RNF122: variants seen among roughly 807,000 people sequenced by gnomAD.
RNF122 encodes ring finger protein 122.
RNF122 carries 17 observed loss-of-function variants against 24.2 expected under a neutral mutation model. That is an observed-to-expected ratio of 0.70 (90% CI 0.48 to 1.06). RNF122 has a LOEUF of 1.06. RNF122 is among the 50% of genes least tolerant of loss of function. RNF122 has a pLI of 0.00. For missense variants in RNF122, 168 were observed against 198.1 expected (o/e 0.85, Z 0.91); for synonymous variants, 65 against 71.8 (o/e 0.91, Z 0.48).
Position 33,566,940 on chromosome 8 carries a change from T to G in RNF122, c.-217A>C. On this transcript the variant is annotated 5_prime_UTR_variant, in exon 1 of 6. Transcript: ENST00000256257. Reference sequence around the variant, plus strand: ...AGGGACGAGGAGGAAACAAACAAAGTCCCGCGGAGCACAGCCGCACGGAGC... The same window carrying G: ...AGGGACGAGGAGGAAACAAACAAAGGCCCGCGGAGCACAGCCGCACGGAGC... 1 of 583,016 alleles carries G rather than the reference T, an allele frequency of 1.7e-6. No individual in the cohort carries two copies. 36.1% of individuals were successfully genotyped at this position (583,016 alleles called of 1,614,324 possible). A position where few individuals can be genotyped will look rare whatever the true frequency, so the allele number is the denominator to read the frequency against.
intron 4 of RNF122, 145 bp from the exon 5 acceptor site, chr8:33,549,637 G>A: frequency 1.6e-6 from 1 of 617,224 alleles, no homozygotes. Context: ...TATATTGATG[G>A]CATGGTAGTC....
rs1333682953 is a variant in RNF122, at chr8:33,547,949, T to A, written c.*804A>T. 3 of 116,636 alleles carry A rather than the reference T, an allele frequency of 2.6e-5. No individual in the cohort carries two copies. The highest frequency in any genetic ancestry group is 1.0e-4 in the African/African-American group (3 of 28,914). The allele number at this position is 116,636 out of a possible 1,614,324, so 7.2% of individuals were successfully genotyped here. On this transcript the variant is annotated 3_prime_UTR_variant, in exon 6 of 6. Transcript: ENST00000256257. ...GAAGGAGGTATCTGTTGCTTAACCG[T>A]AGACACCCCCATCCCCACACCCCTT...
Position 33,549,475 on chromosome 8 carries a change from A to G in RNF122, c.288T>C (p.Cys96=), listed in dbSNP as rs777132335. ...LQLYGQTCAV[C]LEDFKGKDEL... is the part of the protein sequence containing the mutation. Reference sequence around the variant, plus strand: ...CATCCTTCCCCTTGAAGTCTTCCAGACAGACTGCGCAGGTCTGCTGCAGAG... The same window carrying G: ...CATCCTTCCCCTTGAAGTCTTCCAGGCAGACTGCGCAGGTCTGCTGCAGAG... The change falls in exon 5 of 6, where the codon TGT becomes TGC. Residue 96 remains cysteine, a synonymous_variant. Transcript: ENST00000256257. The G allele has an allele frequency of 1.2e-6, 2 of 1,613,966 alleles. No individual in the cohort carries two copies. Among genetic ancestry groups the G allele is most frequent in the African/African-American group, 2.7e-5 (2 of 74,930 alleles).
intron 2 of RNF122, among the ~76,000 whole-genome samples, chr8:33,555,733 C>T (rs1019271026): frequency 6.6e-6 from 1 of 152,200 alleles, no homozygotes; most frequent in African/African-American, 2.4e-5. Flanking sequence ...CTCTATGTAT[C>T]ACCTTGGGCA....
intron 2 of RNF122, among the ~76,000 whole-genome samples, chr8:33,553,045 T>G (rs1387883182): frequency 7.7e-6 from 1 of 130,338 alleles, no homozygotes; most frequent in South Asian, 2.4e-4. Context: ...CACTCCAGCC[T>G]GGGTGACAGA....
intron 1 of RNF122, among the ~76,000 whole-genome samples, chr8:33,562,141 C>T (rs928473032): frequency 2.0e-5 from 3 of 152,126 alleles, no homozygotes; most frequent in East Asian, 3.9e-4. Context: ...ATCATTTGTT[C>T]GGCCCCTACT....
chr8:33,554,514 C>T (rs575754749), intron 2 of RNF122, among the ~76,000 whole-genome samples: 71 of 152,248 alleles, frequency 4.7e-4, no homozygotes, highest in African/African-American at 1.7e-3. Context: ...CCTCATCCTG[C>T]ATACAGATTT....
chr8:33,554,894 G>A (rs1275383665), intron 2 of RNF122, among the ~76,000 whole-genome samples: 2 of 152,210 alleles, frequency 1.3e-5, no homozygotes, highest in Non-Finnish European at 2.9e-5. Flanking sequence ...GGCCTTGGCC[G>A]CTGAGCTCAC....
rs923622320 is a variant in RNF122 at position 33,563,040 on chromosome 8, G to A, written c.25+3659C>T. ...CGGGAGGCAGAGGCTGCAGTGAGCT[G>A]AGGCAGAGGCTGCAGTGAGCTGAGA... On this transcript the variant is annotated intron_variant, in intron 1 of 5. Transcript: ENST00000256257. Among the ~76,000 whole-genome samples the A allele has an allele frequency of 4.6e-5, 7 of 151,314 alleles. No individual in the cohort carries two copies. The South Asian group carries it at 8.3e-4, about 18-fold the overall frequency.
chr8:33,551,654 C>G (rs1358202625), intron 2 of RNF122, among the ~76,000 whole-genome samples: 1 of 152,212 alleles, frequency 6.6e-6, no homozygotes, highest in Non-Finnish European at 1.5e-5. Context: ...CCCCAAATAG[C>G]TCATTCACTC....
intron 1 of RNF122, among the ~76,000 whole-genome samples, chr8:33,565,370 T>C (rs1810606504): frequency 8.2e-6 from 1 of 121,956 alleles, no homozygotes; most frequent in South Asian, 2.4e-4. Flanking sequence ...AGGAGTCTAC[T>C]CTAAAGAATG....
At position 33,551,349 on chromosome 8, in the gene RNF122, T is replaced by C. The variant is rs946228557; in HGVS notation, c.223A>G (p.Lys75Glu). 1 of 1,614,162 alleles carries C rather than the reference T, an allele frequency of 6.2e-7. No individual in the cohort carries two copies. The highest frequency in any genetic ancestry group is 8.5e-7 in the Non-Finnish European group (1 of 1,180,018). ...NQAQSERYGY[K>E]EVVLKGDAKK... ...GGAAACACGCAGCACTTTACCTCCT[T>C]ATATCCGTATCGCTCACTCTGTGCC... is the stretch of plus-strand genomic sequence containing the variant. The change falls in exon 3 of 6, where the codon AAG becomes GAG. Residue 75 changes from lysine (K) to glutamate (E), a missense_variant. By Grantham distance (56) the Lys-to-Glu change is moderately conservative. Coordinates refer to ENST00000256257, the MANE Select transcript of RNF122 (RefSeq NM_024787.3).
intron 2 of RNF122, among the ~76,000 whole-genome samples, chr8:33,552,618 C>T (rs908830985): frequency 7.2e-5 from 11 of 152,026 alleles, no homozygotes; most frequent in Admixed American, 6.6e-4. Context: ...TGGGACACAC[C>T]CTACCTTTTA....
intron 5 of RNF122, 140 bp downstream of exon 5, chr8:33,549,269 TG>T: frequency 2.8e-6 from 2 of 716,128 alleles, no homozygotes; most frequent in Non-Finnish European, 2.5e-6. Flanking sequence ...CTAATCCCTC[TG>T]GGCTTTGCTC....
At chr8:33,560,674 C>T (rs999998605) in intron 1 of RNF122, among the ~76,000 whole-genome samples, 2 of 152,064 alleles carry the variant, frequency 1.3e-5, no homozygotes, top group East Asian at 1.9e-4. Flanking sequence ...TGGTGTCTCA[C>T]GCCTGTAATC....
chr8:33,551,183 G>C, intron 3 of RNF122, 98 bp from the exon 4 acceptor site: 2 of 1,494,240 alleles, frequency 1.3e-6, no homozygotes, highest in South Asian at 1.1e-5. Flanking sequence ...GGACTGCCTG[G>C]GGCAAGCCGG....
chr8:33,564,897 A>G (rs372458031), intron 1 of RNF122, among the ~76,000 whole-genome samples: 10 of 152,172 alleles, frequency 6.6e-5, no homozygotes, highest in African/African-American at 2.2e-4. Flanking sequence ...TAAAAAATAA[A>G]AAAAATAAAG....
intron 1 of RNF122, among the ~76,000 whole-genome samples, chr8:33,565,269 G>A (rs1810605002): frequency 6.6e-6 from 1 of 152,178 alleles, no homozygotes; most frequent in Non-Finnish European, 1.5e-5. Flanking sequence ...AGCAAAAGGA[G>A]GAAGGCGGGG....
Position 33,549,895 on chromosome 8 carries a change from C to T in RNF122, c.271-403G>A, listed in dbSNP as rs186509410. ...TTGGTGATGTGGCACTTAATACCAACTAGAGGTAGGATGAGGGCATGGTAT... is the reference window on the plus strand; with the variant it reads ...TTGGTGATGTGGCACTTAATACCAATTAGAGGTAGGATGAGGGCATGGTAT... On this transcript the variant is annotated intron_variant, in intron 4 of 5. Transcript: ENST00000256257. Among the ~76,000 whole-genome samples the T allele has an allele frequency of 3.0e-4, 46 of 150,836 alleles. No individual in the cohort carries two copies. In the South Asian group the frequency reaches 7.8e-3, roughly 25 times the overall value.
Sources: gnomAD v4.1 joint callset for allele counts (sites outside exome capture counted in the v4.1 genomes callset) on GRCh38, gnomAD v4.1.1 for gene constraint, MANE v1.5 for transcripts, NCBI Gene and HGNC (gene_info 2026-07-23, HGNC 2026-07-21) for gene names.